SLC9B1: variants seen among roughly 807,000 people sequenced by gnomAD.
SLC9B1 encodes the protein solute carrier family 9 member B1, also known as sodium/hydrogen exchanger 9B1.
Under a neutral mutation model 51.7 loss-of-function variants are expected in SLC9B1, and 32 were observed. The ratio of observed to expected loss-of-function variants is 0.62; its 90% confidence interval spans 0.47 to 0.83. The LOEUF (loss-of-function observed/expected upper bound fraction) is 0.83, where lower values mean the gene tolerates loss of function less well. Ranked by LOEUF, SLC9B1 falls within the 40% of genes least tolerant of loss-of-function variation. The pLI is 0.00. For synonymous variants in SLC9B1, 145 were observed against 212.7 expected (o/e 0.68, Z 2.77); for missense variants, 406 against 613.2 (o/e 0.66, Z 3.57).
intron 3 of SLC9B1, among the ~76,000 whole-genome samples, chr4:102,969,351 G>C (rs1738619538): frequency 6.6e-6 from 1 of 152,128 alleles, no homozygotes; most frequent in Non-Finnish European, 1.5e-5. Context: ...AGGCAAACAG[G>C]GTCTGGAGTG....
intron 1 of SLC9B1, among the ~76,000 whole-genome samples, chr4:102,998,098 C>T (rs1740320740): frequency 6.6e-6 from 1 of 152,104 alleles, no homozygotes; most frequent in South Asian, 2.1e-4. Flanking sequence ...CAACCATCAC[C>T]ACCATCCATC....
chr4:102,962,437 A>T, intron 3 of SLC9B1: 1 of 523,568 alleles, frequency 1.9e-6, no homozygotes, highest in South Asian at 1.5e-5. Flanking sequence ...TCCACTGAAT[A>T]CACTAGAAAA....
At chr4:102,936,544 C>G (rs942129369) in intron 6 of SLC9B1, among the ~76,000 whole-genome samples, 2 of 152,106 alleles carry the variant, frequency 1.3e-5, no homozygotes, top group African/African-American at 2.4e-5. Flanking sequence ...ATGAAATAGG[C>G]ATTTTAAGAA....
chr4:102,992,557 T>G (rs933097399), intron 1 of SLC9B1, among the ~76,000 whole-genome samples: 4 of 152,188 alleles, frequency 2.6e-5, no homozygotes, highest in Non-Finnish European at 4.4e-5. Context: ...GCTAGCTGCT[T>G]TACATCTATT....
In SLC9B1 at chr4:102,893,137, C is replaced by T. The variant is rs192248299; in HGVS notation, c.1333-7809G>A. Reference sequence around the variant, plus strand: ...GTCTCTACAAAAATATAAAAATTAGCTGGGCATGATGGCGGATGCCTGTAA... The same window carrying T: ...GTCTCTACAAAAATATAAAAATTAGTTGGGCATGATGGCGGATGCCTGTAA... On this transcript the variant is annotated intron_variant, in intron 11 of 11. Coordinates refer to the SLC9B1 transcript ENST00000394789. Among the ~76,000 whole-genome samples the T allele has an allele frequency of 3.1e-3, 465 of 151,764 alleles. 4 individuals are homozygous for T. The highest frequency in any genetic ancestry group is 0.014 in the Middle Eastern group (4 of 294).
At chr4:102,890,520 C>T (rs530754883) in intron 11 of SLC9B1, 1 of 152,050 alleles carries the variant, frequency 6.6e-6, no homozygotes, top group East Asian at 1.9e-4. Context: ...GGAGATGTTA[C>T]TAATGCTTGT....
At chr4:103,004,062 T>C (rs984786581) in intron 1 of SLC9B1, among the ~76,000 whole-genome samples, 3 of 152,182 alleles carry the variant, frequency 2.0e-5, no homozygotes, top group Non-Finnish European at 4.4e-5. Context: ...TCCATATGAA[T>C]GTAGTTGTTC....
At chr4:102,919,723 G>GT (rs1206187191) in intron 7 of SLC9B1, among the ~76,000 whole-genome samples, 1 of 32,762 alleles carries the variant, frequency 3.1e-5, no homozygotes, top group African/African-American at 2.3e-4. Context: ...CTTTTCCCAA[G>GT]GTCTTAGCAA....
At chr4:102,986,574 G>A (rs1206297875) in intron 3 of SLC9B1, among the ~76,000 whole-genome samples, 2 of 152,002 alleles carry the variant, frequency 1.3e-5, no homozygotes, top group African/African-American at 2.4e-5. Context: ...ATTCCTTTCT[G>A]TCTTCCTTTT....
intron 1 of SLC9B1, among the ~76,000 whole-genome samples, chr4:102,996,619 T>C (rs956684102): frequency 2.6e-5 from 4 of 152,208 alleles, no homozygotes; most frequent in African/African-American, 9.6e-5. Context: ...CCCATATCAA[T>C]ATCTAATTGA....
intron 9 of SLC9B1, among the ~76,000 whole-genome samples, chr4:102,908,318 T>C (rs1735157079): frequency 6.6e-6 from 1 of 152,232 alleles, no homozygotes; most frequent in Non-Finnish European, 1.5e-5. Flanking sequence ...TATATCTGTA[T>C]GTACATATTC....
intron 1 of SLC9B1, among the ~76,000 whole-genome samples, chr4:102,998,001 C>G (rs1015377940): frequency 2.0e-5 from 3 of 152,066 alleles, no homozygotes; most frequent in African/African-American, 7.2e-5. Flanking sequence ...AGCAATTTTC[C>G]TGTGGTAAAA....
At chr4:102,893,947 TATGA>T (rs1274022073) in intron 11 of SLC9B1, among the ~76,000 whole-genome samples, 3 of 152,030 alleles carry the variant, frequency 2.0e-5, no homozygotes, top group Admixed American at 6.6e-5. Flanking sequence ...CTGACATACA[TATGA>T]ATGAATATTC....
chr4:102,967,096 A>C (rs13140518), intron 3 of SLC9B1, among the ~76,000 whole-genome samples: 70,504 of 142,800 alleles, frequency 0.49, 15,281 homozygotes, highest in African/African-American at 0.62. Flanking sequence ...TTTCTATCTG[A>C]GATCTCATTA....
chr4:103,000,428 C>T (rs112685943), intron 1 of SLC9B1, among the ~76,000 whole-genome samples: 4,273 of 152,258 alleles, frequency 0.028, 186 homozygotes, highest in African/African-American at 0.093. Context: ...CAAAAGTCCA[C>T]AGACCAATGT....
intron 6 of SLC9B1, among the ~76,000 whole-genome samples, chr4:102,934,371 G>A (rs982334862): frequency 1.3e-5 from 2 of 152,104 alleles, no homozygotes; most frequent in African/African-American, 4.8e-5. Flanking sequence ...CATACAATTG[G>A]TATTTTAAAT....
chr4:103,002,149 C>T (rs552117689), intron 1 of SLC9B1, among the ~76,000 whole-genome samples: 3 of 152,170 alleles, frequency 2.0e-5, no homozygotes, highest in East Asian at 1.9e-4. Context: ...TCCCTCAACA[C>T]GTGGGGATTC....
At chr4:102,888,781 C>T (rs1415927142) in intron 11 of SLC9B1, 1 of 152,222 alleles carries the variant, frequency 6.6e-6, no homozygotes, top group Non-Finnish European at 1.5e-5. Context: ...CTGCTGGGCT[C>T]TGTAGGGAAT....
intron 5 of SLC9B1, among the ~76,000 whole-genome samples, chr4:102,945,868 T>C (rs1172107436): frequency 6.6e-6 from 1 of 152,158 alleles, no homozygotes; most frequent in Non-Finnish European, 1.5e-5. Flanking sequence ...CACATTTATT[T>C]GAGTGGCTGT....
Sources: allele counts gnomAD v4.1 joint callset (sites outside exome capture counted in the v4.1 genomes callset), GRCh38; gene constraint gnomAD v4.1.1; transcripts MANE v1.5; gene names NCBI Gene and HGNC (gene_info 2026-07-23, HGNC 2026-07-21).